The following CHN2 variants were observed in gnomAD, a reference collection of about 807,000 sequenced individuals.
CHN2 encodes beta-chimaerin.
In CHN2, 35 loss-of-function variants were observed where a neutral mutation model predicts 56.3. The ratio of observed to expected loss-of-function variants is 0.62; its 90% CI spans 0.47 to 0.82. CHN2 has a LOEUF of 0.82. CHN2 is among the 40% of genes least tolerant of loss of function. The probability of loss-of-function intolerance (pLI) is 0.00; values close to 1 mark genes in which losing one functional copy is unlikely to be tolerated. For missense variants in CHN2, 491 were observed against 580.5 expected, an observed-to-expected ratio of 0.85 and a Z score of 1.58; for synonymous variants, 210 against 212.8, an observed-to-expected ratio of 0.99 and a Z score of 0.12.
chr7:29,382,457 C>T (rs977420462), intron 3 of CHN2, among the ~76,000 whole-genome samples: 1 of 152,220 alleles, frequency 6.6e-6, no homozygotes, highest in Admixed American at 6.5e-5. Context: ...TGAGCTACCA[C>T]CAATGCCAGT....
chr7:29,322,679 C>A (rs749660569), intron 1 of CHN2, among the ~76,000 whole-genome samples: 6 of 152,158 alleles, frequency 3.9e-5, no homozygotes, highest in Non-Finnish European at 7.3e-5. Context: ...ATATGAAGTC[C>A]TAGGTCTTTA....
At chr7:29,293,887 G>A (rs1439493153) in intron 1 of CHN2, among the ~76,000 whole-genome samples, 2 of 78,568 alleles carry the variant, frequency 2.5e-5, no homozygotes, top group Non-Finnish European at 4.3e-5. Flanking sequence ...TTTTTTTTGA[G>A]ACGGAGTCTC....
At chr7:29,443,065 C>T (rs867356942) in intron 6 of CHN2, among the ~76,000 whole-genome samples, 9 of 150,278 alleles carry the variant, frequency 6.0e-5, no homozygotes, top group East Asian at 1.9e-4. Context: ...CTCAGCCTCC[C>T]GAGTAGCTGG....
chr7:29,276,108 G>T (rs1202092859), intron 1 of CHN2, among the ~76,000 whole-genome samples: 1 of 152,082 alleles, frequency 6.6e-6, no homozygotes, highest in African/African-American at 2.4e-5. Flanking sequence ...TTTGGGGGAA[G>T]GAAGTGGTTG....
intron 2 of CHN2, among the ~76,000 whole-genome samples, chr7:29,358,510 C>A (rs145024456): frequency 6.6e-6 from 1 of 151,916 alleles, no homozygotes; most frequent in Non-Finnish European, 1.5e-5. Context: ...TCACCCAGGC[C>A]GGACTGCGGT....
intron 1 of CHN2, among the ~76,000 whole-genome samples, chr7:29,280,489 G>A (rs1183513612): frequency 6.6e-6 from 1 of 152,140 alleles, no homozygotes; most frequent in African/African-American, 2.4e-5. Context: ...TGTTGGTTTT[G>A]GGCATCTGAG....
At chr7:29,434,693 C>G (rs1392598190) in intron 6 of CHN2, among the ~76,000 whole-genome samples, 1 of 152,164 alleles carries the variant, frequency 6.6e-6, no homozygotes, top group African/African-American at 2.4e-5. Flanking sequence ...CCAAATAAGG[C>G]CATAGTCGCA....
At chr7:29,266,328 G>T (rs245991) in intron 1 of CHN2, among the ~76,000 whole-genome samples, 15,501 of 152,168 alleles carry the variant, frequency 0.1, 1,090 homozygotes, top group African/African-American at 0.2. Context: ...TCTAAGGAAT[G>T]GGTGATCCAA....
intron 3 of CHN2, among the ~76,000 whole-genome samples, chr7:29,383,429 T>C (rs560257326): frequency 6.6e-6 from 1 of 152,224 alleles, no homozygotes; most frequent in African/African-American, 2.4e-5. Flanking sequence ...TGCCTCTTTG[T>C]TTTATTCAGG....
intron 11 of CHN2, among the ~76,000 whole-genome samples, chr7:29,508,239 C>T (rs1790831433): frequency 6.6e-6 from 1 of 151,390 alleles, no homozygotes; most frequent in African/African-American, 2.4e-5. Flanking sequence ...CACTTGGGCC[C>T]ACTGCTGAGG....
chr7:29,360,976 G>A (rs920231749), intron 2 of CHN2, among the ~76,000 whole-genome samples: 2 of 152,188 alleles, frequency 1.3e-5, no homozygotes, highest in Middle Eastern at 3.2e-3. Context: ...CTCCACCTCC[G>A]TGTTCCCCAG....
intron 7 of CHN2, among the ~76,000 whole-genome samples, chr7:29,488,683 C>T (rs1007013384): frequency 6.6e-6 from 1 of 151,772 alleles, no homozygotes; most frequent in African/African-American, 2.4e-5. Context: ...GAAACTTCAC[C>T]CCCCCACCTC....
chr7:29,454,515 G>A (rs774651523), intron 6 of CHN2, among the ~76,000 whole-genome samples: 21 of 152,198 alleles, frequency 1.4e-4, no homozygotes, highest in Non-Finnish European at 2.4e-4. Flanking sequence ...ACAATCATGA[G>A]TGTCCCAGTG....
At chr7:29,258,456 G>C (rs748381989) in intron 1 of CHN2, among the ~76,000 whole-genome samples, 19 of 152,150 alleles carry the variant, frequency 1.2e-4, no homozygotes, top group Non-Finnish European at 2.2e-4. Context: ...TTTGGGATCT[G>C]GAAGTGTTTC....
chr7:29,364,496 G>C (rs1798990323), intron 2 of CHN2, among the ~76,000 whole-genome samples: 1 of 152,198 alleles, frequency 6.6e-6, no homozygotes, highest in African/African-American at 2.4e-5. Flanking sequence ...TGTGAATTCT[G>C]CAATTCCTCT....
In CHN2 at chr7:29,398,355, A is replaced by G. The variant is rs1168674970; in HGVS notation, c.177-18A>G. On this transcript the variant is annotated intron_variant, in intron 4 of 12. Transcript: ENST00000222792. The stretch of plus-strand genomic sequence containing the variant: ...TGTATGTGGTCTGTTCAGAGCATTG[A>G]TGGTCTTGTACCTTCAGGTTTCATG... 6.4e-7 allele frequency: 1 copy of G among 1,567,816 alleles called. No homozygotes were observed. The highest frequency in any genetic ancestry group is 1.4e-5 in the African/African-American group (1 of 73,946).
chr7:29,491,482 C>G (rs535579731), intron 7 of CHN2, among the ~76,000 whole-genome samples: 2 of 152,290 alleles, frequency 1.3e-5, no homozygotes, highest in East Asian at 3.9e-4. Flanking sequence ...CATCATAGCT[C>G]ATTTTAGCCC....
At chr7:29,338,791 G>A (rs536434695) in intron 1 of CHN2, among the ~76,000 whole-genome samples, 7 of 152,284 alleles carry the variant, frequency 4.6e-5, no homozygotes, top group African/African-American at 1.7e-4. Context: ...CGTTGGCCAG[G>A]CTGGTCTTGA....
intron 6 of CHN2, among the ~76,000 whole-genome samples, chr7:29,453,628 G>A (rs1037354554): frequency 2.0e-5 from 3 of 152,138 alleles, no homozygotes; most frequent in Admixed American, 6.5e-5. Flanking sequence ...TACCAAAGAA[G>A]CATCATTAAA....
Sources: gnomAD v4.1 joint callset for allele counts (sites outside exome capture counted in the v4.1 genomes callset) on GRCh38, gnomAD v4.1.1 for gene constraint, MANE v1.5 for transcripts, NCBI Gene and HGNC (gene_info 2026-07-23, HGNC 2026-07-21) for gene names.